The following TMC1 variants were observed in gnomAD, a reference collection of about 807,000 sequenced individuals.
The protein encoded by TMC1 is transmembrane channel like 1, also known as transmembrane channel-like protein 1.
Under a neutral mutation model 105.8 loss-of-function variants are expected in TMC1, and 84 were observed. That is an observed-to-expected ratio of 0.79 (90% confidence interval 0.67 to 0.95). The LOEUF (loss-of-function observed/expected upper bound fraction) is 0.95, where lower values mean the gene tolerates loss of function less well. Among genes scored for constraint, TMC1 ranks in the 40% least tolerant of loss-of-function variants. The pLI is 0.00. For missense variants in TMC1, 817 were observed against 914.1 expected (o/e 0.89, Z 1.37); for synonymous variants, 315 against 311.5 (o/e 1.01, Z -0.12).
At chr9:72,832,725 T>C (rs1271235769) in intron 23 of TMC1, among the ~76,000 whole-genome samples, 1 of 152,092 alleles carries the variant, frequency 6.6e-6, no homozygotes, top group Non-Finnish European at 1.5e-5. Context: ...AAATGTAAAG[T>C]TGAATGCTGG....
chr9:72,533,912 C>T (rs1823537257), intron 1 of TMC1, among the ~76,000 whole-genome samples: 2 of 152,222 alleles, frequency 1.3e-5, no homozygotes, highest in Admixed American at 6.5e-5. Flanking sequence ...GGAGGTGGAT[C>T]ACTTGAGGCC....
At chr9:72,600,698 AG>A (rs1824794661) in intron 2 of TMC1, among the ~76,000 whole-genome samples, 1 of 151,742 alleles carries the variant, frequency 6.6e-6, no homozygotes, top group Non-Finnish European at 1.5e-5. Flanking sequence ...AATTAAAAAA[AG>A]AAAAAAATTA....
intron 3 of TMC1, among the ~76,000 whole-genome samples, chr9:72,624,451 C>A (rs111898970): frequency 6.6e-6 from 1 of 152,138 alleles, no homozygotes; most frequent in Admixed American, 6.5e-5. Context: ...CTTGTCCTGT[C>A]GAAATGGCCA....
At chr9:72,581,723 A>G (rs535261968) in intron 2 of TMC1, among the ~76,000 whole-genome samples, 10 of 152,312 alleles carry the variant, frequency 6.6e-5, no homozygotes, top group East Asian at 1.9e-4. Flanking sequence ...AAATCTATAA[A>G]TAAAACTTAA....
At chr9:72,795,462 A>G (rs576291874) in intron 17 of TMC1, among the ~76,000 whole-genome samples, 2 of 152,216 alleles carry the variant, frequency 1.3e-5, no homozygotes, top group East Asian at 1.9e-4. Context: ...CTGAAACCCT[A>G]CAAGCCAGAA....
chr9:72,612,959 A>G (rs548439040), intron 2 of TMC1, among the ~76,000 whole-genome samples: 7 of 152,136 alleles, frequency 4.6e-5, no homozygotes, highest in Non-Finnish European at 7.3e-5. Context: ...GATGTTAAAA[A>G]GATTGTCAGT....
intron 1 of TMC1, among the ~76,000 whole-genome samples, chr9:72,524,220 GA>G (rs1823364057): frequency 6.6e-6 from 1 of 152,084 alleles, no homozygotes; most frequent in South Asian, 2.1e-4. Context: ...CATAGTACTT[GA>G]AAATAGAGAA....
chr9:72,810,097 G>A (rs1828673588), intron 18 of TMC1, among the ~76,000 whole-genome samples: 2 of 144,502 alleles, frequency 1.4e-5, no homozygotes, highest in South Asian at 2.2e-4. Context: ...GTAAGACAGA[G>A]CACCAGAGAT....
At chr9:72,684,745 T>C (rs976541473) in intron 5 of TMC1, among the ~76,000 whole-genome samples, 1 of 152,306 alleles carries the variant, frequency 6.6e-6, no homozygotes, top group African/African-American at 2.4e-5. Flanking sequence ...AGCTCCTACC[T>C]AAGCTATTCT....
chr9:72,726,904 TCTC>T (rs1827134821), intron 8 of TMC1, among the ~76,000 whole-genome samples: 1 of 152,218 alleles, frequency 6.6e-6, no homozygotes, highest in African/African-American at 2.4e-5. Flanking sequence ...GGATGCTTCT[TCTC>T]ACTATGGGGC....
chr9:72,663,556 AG>A (rs1420792453), intron 5 of TMC1, among the ~76,000 whole-genome samples: 1 of 152,206 alleles, frequency 6.6e-6, no homozygotes. Context: ...GGAATGGACA[AG>A]GGCAGCTTGG....
chr9:72,711,294 G>A (rs1305006612), intron 8 of TMC1, among the ~76,000 whole-genome samples: 2 of 152,116 alleles, frequency 1.3e-5, no homozygotes, highest in Non-Finnish European at 2.9e-5. Flanking sequence ...GTAATGGGAT[G>A]GCTGGGTCAA....
Position 72,688,694 on chromosome 9 carries a change from T to C in TMC1, c.17-15T>C, listed in dbSNP as rs1826414768. The C allele has an allele frequency of 1.2e-6, 2 of 1,605,570 alleles. No homozygotes were observed. The highest frequency in any genetic ancestry group is 1.3e-5 in the African/African-American group (1 of 74,614). ...GCATTTAAATAATTGCTGTACTGTTTTCTTTCCTCAACAGTACAAATCAAA... is the reference window on the plus strand; with the variant it reads ...GCATTTAAATAATTGCTGTACTGTTCTCTTTCCTCAACAGTACAAATCAAA... On this transcript the variant is annotated splice_polypyrimidine_tract_variant and intron_variant, in intron 5 of 23. Transcript: ENST00000297784.
chr9:72,570,657 C>A (rs1587965199), intron 1 of TMC1, among the ~76,000 whole-genome samples: 2 of 131,074 alleles, frequency 1.5e-5, no homozygotes, highest in South Asian at 2.6e-4. Context: ...TAAGAGAAAT[C>A]TACACTTTGC....
intron 4 of TMC1, chr9:72,628,454 GA>G (rs1381427194): frequency 1.7e-5 from 3 of 176,064 alleles, no homozygotes; most frequent in Non-Finnish European, 3.6e-5. Flanking sequence ...ATAAACAGAA[GA>G]AGCCACGTTT....
In TMC1 at chr9:72,606,354, A is replaced by C. The variant is rs145788406; in HGVS notation, c.-305-10014A>C. ...AGAGAGAGAATCCAAGACAGAATGCACAGTCTTCTTATAACTTAGGTTTAG... is the reference window on the plus strand; with the variant it reads ...AGAGAGAGAATCCAAGACAGAATGCCCAGTCTTCTTATAACTTAGGTTTAG... On this transcript the variant is annotated intron_variant, in intron 2 of 23. Coordinates refer to ENST00000297784, the MANE Select transcript of TMC1 (RefSeq NM_138691.3). Among the ~76,000 whole-genome samples the C allele has an allele frequency of 4.5e-3, 685 of 152,338 alleles. 7 individuals carry two copies. The highest frequency in any genetic ancestry group is 0.016 in the African/African-American group (657 of 41,570).
intron 23 of TMC1, among the ~76,000 whole-genome samples, chr9:72,831,908 G>A (rs1244312366): frequency 6.6e-6 from 1 of 151,768 alleles, no homozygotes; most frequent in Non-Finnish European, 1.5e-5. Flanking sequence ...ACGTGTGCAT[G>A]TGTCTTTATA....
intron 8 of TMC1, among the ~76,000 whole-genome samples, chr9:72,708,015 T>C (rs1455492265): frequency 6.6e-6 from 1 of 152,130 alleles, no homozygotes; most frequent in African/African-American, 2.4e-5. Context: ...GTTGAATGAA[T>C]AGGGTGTCTT....
intron 10 of TMC1, among the ~76,000 whole-genome samples, chr9:72,749,446 A>G (rs1827543006): frequency 6.6e-6 from 1 of 152,198 alleles, no homozygotes; most frequent in African/African-American, 2.4e-5. Flanking sequence ...CTGGCTGAGC[A>G]GCCCTCAGGT....
Sources: gnomAD v4.1 joint callset for allele counts (sites outside exome capture counted in the v4.1 genomes callset) on GRCh38, gnomAD v4.1.1 for gene constraint, MANE v1.5 for transcripts, NCBI Gene and HGNC (gene_info 2026-07-23, HGNC 2026-07-21) for gene names.